Variants in ZFP90 observed in about 807,000 individuals in gnomAD.
The protein encoded by ZFP90 is ZFP90 zinc finger protein.
A neutral mutation model predicts 60.8 loss-of-function variants in ZFP90; 38 were observed. The observed-to-expected ratio is 0.62, with a 90% CI of 0.48 to 0.82. The LOEUF (loss-of-function observed/expected upper bound fraction) is 0.82. ZFP90 is among the 40% of genes least tolerant of loss of function. ZFP90 has a pLI of 0.00. For synonymous variants in ZFP90, 287 were observed against 264.8 expected (o/e 1.08, Z -0.82); for missense variants, 711 against 759.1 (o/e 0.94, Z 0.74).
chr16:68,562,846 A>C, intron 4 of ZFP90, 198 bp from the exon 5 acceptor site: 1 of 1,261,092 alleles, frequency 7.9e-7, no homozygotes, highest in Non-Finnish European at 1.1e-6. Context: ...CTCTGGACTT[A>C]CCACATACTC....
At chr16:68,544,458 A>G (rs2091108967) in intron 2 of ZFP90, among the ~76,000 whole-genome samples, 1 of 152,200 alleles carries the variant, frequency 6.6e-6, no homozygotes, top group Non-Finnish European at 1.5e-5. Flanking sequence ...GGGAAGTTTT[A>G]TAAGGAAAAT....
chr16:68,571,887 G>T (rs373629944), downstream of ZFP90, among the ~76,000 whole-genome samples: 3 of 152,322 alleles, frequency 2.0e-5, no homozygotes, highest in African/African-American at 4.8e-5. Flanking sequence ...ATTAAAAAGG[G>T]AGGGCAGAGG....
chr16:68,548,474 CTTTTTTTTTTTTTTTTTTT>C (rs551779570), intron 2 of ZFP90, among the ~76,000 whole-genome samples: 2 of 81,048 alleles, frequency 2.5e-5, no homozygotes, highest in African/African-American at 1.1e-4. Flanking sequence ...GTTTATCCTC[CTTTTTTTTTTTTTTTTTTT>C]TTTTTTTTTT....
rs777566795 is a variant in ZFP90, at chr16:68,563,181, GA to G, written c.398del (p.Asn133ThrfsTer16). ...DVSSQLDRQQENWKRHLGSEA... is the reference protein window; with the variant it reads ...DVSSQLDRQQXNWKRHLGSEA... Reference sequence around the variant, plus strand: ...TAGCAGCCAGTTAGACAGGCAACAGGAAAACTGGAAGAGACATCTGGGATCA... The same window carrying G: ...TAGCAGCCAGTTAGACAGGCAACAGGAAACTGGAAGAGACATCTGGGATCA... On this transcript the variant is annotated frameshift_variant, in exon 5 of 5. Transcript: ENST00000563169. LOFTEE classifies it high-confidence loss of function. 6.2e-7 allele frequency: 1 copy of G among 1,614,126 alleles called. No individual in the cohort carries two copies. Among genetic ancestry groups the G allele is most frequent in the South Asian group, 1.1e-5 (1 of 91,076 alleles).
At chr16:68,569,772 G>T (rs2091557893), downstream of ZFP90, among the ~76,000 whole-genome samples, 1 of 149,306 alleles carries the variant, frequency 6.7e-6, no homozygotes, top group Admixed American at 6.6e-5. Flanking sequence ...TCATAACGTG[G>T]TCTCAAAAAA....
chr16:68,567,905 G>A (rs1286846441), downstream of ZFP90, among the ~76,000 whole-genome samples: 1 of 152,194 alleles, frequency 6.6e-6, no homozygotes, highest in Non-Finnish European at 1.5e-5. Flanking sequence ...TTTAATAGCT[G>A]CAGTAGGCTT....
intron 1 of ZFP90, 52 bp from the exon 2 acceptor site, chr16:68,539,706 G>GA: frequency 1.4e-6 from 2 of 1,399,720 alleles, no homozygotes; most frequent in Non-Finnish European, 1.9e-6. Context: ...GGGCGGGGCG[G>GA]GGTGGGGTCG....
At chr16:68,559,992 C>T (rs2091412460) in intron 4 of ZFP90, among the ~76,000 whole-genome samples, 1 of 152,194 alleles carries the variant, frequency 6.6e-6, no homozygotes, top group Non-Finnish European at 1.5e-5. Flanking sequence ...CCTTTGCTTC[C>T]CAAAGTGTTG....
downstream of ZFP90, among the ~76,000 whole-genome samples, chr16:68,569,119 T>G (rs2091553831): frequency 6.7e-6 from 1 of 148,274 alleles, no homozygotes; most frequent in Admixed American, 6.8e-5. Flanking sequence ...GAAAAACAAC[T>G]ATGACAATTA....
At position 68,566,264 on chromosome 16, in the gene ZFP90, G is replaced by A; in HGVS notation, c.*1566G>A. Reference sequence around the variant, plus strand: ...CTTCCAGAACCTTTGTTGGTGTGTTGACATTGACCATGCAGACCAATTTGG... The same window carrying A: ...CTTCCAGAACCTTTGTTGGTGTGTTAACATTGACCATGCAGACCAATTTGG... On this transcript the variant is annotated 3_prime_UTR_variant, in exon 5 of 5. Coordinates refer to ENST00000563169, the MANE Select transcript of ZFP90 (RefSeq NM_001305203.2). 1 of 985,576 alleles carries A rather than the reference G, an allele frequency of 1.0e-6. No individual in the cohort carries two copies. The highest frequency in any genetic ancestry group is 1.2e-6 in the Non-Finnish European group (1 of 829,946). 61.1% of individuals were successfully genotyped at this position (985,576 alleles called of 1,614,324 possible).
At position 68,563,346 on chromosome 16, in the gene ZFP90, A is replaced by C. The variant is rs776440991; in HGVS notation, c.559A>C (p.Thr187Pro). The C allele has an allele frequency of 6.2e-7, 1 of 1,614,186 alleles. No homozygotes were observed. The highest frequency in any genetic ancestry group is 1.7e-5 in the Admixed American group (1 of 60,026). The change falls in exon 5 of 5, where the codon ACC becomes CCC. Residue 187 changes from threonine (T) to proline (P), a missense_variant. Physicochemically the swap from Thr to Pro is conservative, Grantham distance 38. Coordinates refer to ENST00000563169, the MANE Select transcript of ZFP90 (RefSeq NM_001305203.2). Reference protein sequence around the residue: ...PARIRPSECETLGSNLGHNAD... With the variant: ...PARIRPSECEPLGSNLGHNAD... ...AAGAATAAGGCCTAGTGAATGTGAG[A>C]CCCTTGGAAGCAATTTGGGACATAA... is the stretch of plus-strand genomic sequence containing the variant.
At chr16:68,560,793 G>A (rs990770283) in intron 4 of ZFP90, among the ~76,000 whole-genome samples, 5 of 151,972 alleles carry the variant, frequency 3.3e-5, no homozygotes, top group Middle Eastern at 6.8e-3. Flanking sequence ...CAAACTCCTA[G>A]CCTAATATGT....
chr16:68,567,238 A>C, downstream of ZFP90: 1 of 815,256 alleles, frequency 1.2e-6, no homozygotes, highest in Non-Finnish European at 1.5e-6. Flanking sequence ...CAGGTGAGTT[A>C]ATAGCTACCA....
At chr16:68,556,148 TGA>T (rs1244454985) in intron 2 of ZFP90, among the ~76,000 whole-genome samples, 1 of 151,808 alleles carries the variant, frequency 6.6e-6, no homozygotes, top group Non-Finnish European at 1.5e-5. Flanking sequence ...CCAAGCTGGG[TGA>T]GAGAGTGAGA....
chr16:68,556,192 G>C (rs1343952724), intron 2 of ZFP90, among the ~76,000 whole-genome samples: 1 of 152,046 alleles, frequency 6.6e-6, no homozygotes, highest in Admixed American at 6.6e-5. Flanking sequence ...CTAACCAAAA[G>C]TACATAGCTC....
chr16:68,554,755 C>T (rs2091317399), intron 2 of ZFP90, among the ~76,000 whole-genome samples: 1 of 151,986 alleles, frequency 6.6e-6, no homozygotes, highest in African/African-American at 2.4e-5. Context: ...AGTTTGAGAC[C>T]AGCCTGGGCA....
At position 68,542,263 on chromosome 16, in the gene ZFP90, GGAA is replaced by G. The variant is rs765262380; in HGVS notation, c.33+2443_33+2445del. 2.1e-3 allele frequency among the ~76,000 whole-genome samples: 322 copies of G among 152,260 alleles called. 1 individual carries two copies. The highest frequency in any genetic ancestry group is 3.4e-3 in the Non-Finnish European group (234 of 68,024). On this transcript the variant is annotated intron_variant, in intron 2 of 4. Transcript: ENST00000563169. ...GAGGGACCAGGACATTCTGCCGGTG[GGAA>G]GAAGTCAGTGGAGTTTTCACCTTTG... is the stretch of plus-strand genomic sequence containing the variant.
chr16:68,564,713 A>G lies in ZFP90; in HGVS notation c.*15A>G, dbSNP rs2091496938. 3 of 1,578,580 alleles carry G rather than the reference A, an allele frequency of 1.9e-6. No individual in the cohort carries two copies. The highest frequency in any genetic ancestry group is 1.2e-5 in the South Asian group (1 of 84,726). On this transcript the variant is annotated 3_prime_UTR_variant, in exon 5 of 5. Coordinates refer to ENST00000563169, the MANE Select transcript of ZFP90 (RefSeq NM_001305203.2). ...ATAAACTCTAGGAACCGTGAAATTA[A>G]GGAATTTGCAGAATGCTTTAGCTAA...
chr16:68,545,934 G>A (rs1371413094), intron 2 of ZFP90, among the ~76,000 whole-genome samples: 1 of 152,182 alleles, frequency 6.6e-6, no homozygotes, highest in East Asian at 1.9e-4. Flanking sequence ...CAGCACTTTG[G>A]GAGGCCGAGA....
Sources: allele counts gnomAD v4.1 joint callset (sites outside exome capture counted in the v4.1 genomes callset), GRCh38; gene constraint gnomAD v4.1.1; transcripts MANE v1.5; gene names NCBI Gene and HGNC (gene_info 2026-07-23, HGNC 2026-07-21).